CYP19A1: variants seen among roughly 807,000 people sequenced by gnomAD.
CYP19A1 encodes aromatase.
A neutral mutation model predicts 44.4 loss-of-function variants in CYP19A1; 32 were observed. That is an observed-to-expected ratio of 0.72 (90% CI 0.54 to 0.97). CYP19A1 has a LOEUF of 0.97. Among genes scored for constraint, CYP19A1 ranks in the 50% least tolerant of loss-of-function variants. The pLI is 0.00. For missense variants in CYP19A1, 598 were observed against 637.8 expected (o/e 0.94, Z 0.67); for synonymous variants, 212 against 215.6 (o/e 0.98, Z 0.14).
chr15:51,255,563 C>T (rs2034481775), intron 1 of CYP19A1: 1 of 152,202 alleles, frequency 6.6e-6, no homozygotes, highest in African/African-American at 2.4e-5. Flanking sequence ...CTCTTCAGAA[C>T]TGGGATCAGC....
chr15:51,231,836 C>T (rs1367115902), intron 3 of CYP19A1, among the ~76,000 whole-genome samples: 1 of 152,040 alleles, frequency 6.6e-6, no homozygotes, highest in African/African-American at 2.4e-5. Flanking sequence ...GTGGAAGCAA[C>T]TACAAGAGAA....
chr15:51,272,443 A>T (rs1257839074), intron 1 of CYP19A1, among the ~76,000 whole-genome samples: 1 of 152,210 alleles, frequency 6.6e-6, no homozygotes. Flanking sequence ...TTTTATAAAC[A>T]AACACCACTC....
chr15:51,280,850 G>A (rs2035494405), intron 1 of CYP19A1, among the ~76,000 whole-genome samples: 1 of 152,228 alleles, frequency 6.6e-6, no homozygotes, highest in Admixed American at 6.5e-5. Flanking sequence ...CTGGACCACA[G>A]CACTCTCACA....
intron 1 of CYP19A1, among the ~76,000 whole-genome samples, chr15:51,260,320 A>G (rs1165878712): frequency 1.3e-5 from 2 of 152,258 alleles, no homozygotes; most frequent in Admixed American, 1.3e-4. Context: ...AAAGCATTAA[A>G]TATAAGAAAG....
intron 1 of CYP19A1, among the ~76,000 whole-genome samples, chr15:51,263,725 C>G (rs375710267): frequency 6.6e-6 from 1 of 152,140 alleles, no homozygotes; most frequent in African/African-American, 2.4e-5. Flanking sequence ...TCCAATGGAC[C>G]CATCCAATCC....
At chr15:51,264,507 ACG>A (rs2140941242) in intron 1 of CYP19A1, among the ~76,000 whole-genome samples, 1 of 97,444 alleles carries the variant, frequency 1.0e-5, no homozygotes, top group Non-Finnish European at 2.0e-5. Context: ...AAGAGTAACG[ACG>A]GTCAAGGGAC....
chr15:51,299,539 C>A (rs1282435502), intron 1 of CYP19A1, among the ~76,000 whole-genome samples: 1 of 152,118 alleles, frequency 6.6e-6, no homozygotes, highest in Non-Finnish European at 1.5e-5. Flanking sequence ...GCCATGTGAT[C>A]AGGGCTGCTT....
chr15:51,283,290 C>T (rs2035590099), intron 1 of CYP19A1, among the ~76,000 whole-genome samples: 1 of 152,220 alleles, frequency 6.6e-6, no homozygotes, highest in African/African-American at 2.4e-5. Flanking sequence ...CACCTCTTCT[C>T]TCTCCCATTA....
At chr15:51,314,845 T>C (rs1477749699) in intron 1 of CYP19A1, among the ~76,000 whole-genome samples, 1 of 152,226 alleles carries the variant, frequency 6.6e-6, no homozygotes, top group African/African-American at 2.4e-5. Context: ...TCTTCATAAG[T>C]GTTGGTTTCC....
At chr15:51,314,591 A>G (rs997590579) in intron 1 of CYP19A1, among the ~76,000 whole-genome samples, 10 of 152,202 alleles carry the variant, frequency 6.6e-5, no homozygotes, top group African/African-American at 2.4e-4. Flanking sequence ...ATCATGCTAA[A>G]CAAATCACAC....
intron 1 of CYP19A1, among the ~76,000 whole-genome samples, chr15:51,286,566 C>T (rs1036636302): frequency 1.3e-5 from 2 of 152,300 alleles, no homozygotes; most frequent in Non-Finnish European, 2.9e-5. Flanking sequence ...GACTACCAAG[C>T]ATGTCCAAAG....
intron 1 of CYP19A1, among the ~76,000 whole-genome samples, chr15:51,314,825 T>C (rs2036391862): frequency 6.6e-6 from 1 of 152,238 alleles, no homozygotes; most frequent in Non-Finnish European, 1.5e-5. Context: ...TGTCAGCCTC[T>C]GTCTTTGTTT....
Position 51,242,890 on chromosome 15 carries a change from G to A in CYP19A1, c.23C>T (p.Pro8Leu), listed in dbSNP as rs144803182. ...GATGCTGGTGATGTTATAATGTATCGGGTTCAGCATTTCCAAAACCATCTT... is the reference window on the plus strand; with the variant it reads ...GATGCTGGTGATGTTATAATGTATCAGGTTCAGCATTTCCAAAACCATCTT... Reference protein sequence around the residue: MVLEMLNPIHYNITSIVP... With the variant: MVLEMLNLIHYNITSIVP... The change falls in exon 2 of 10, where the codon CCG (proline) becomes CTG (leucine). Residue 8 changes from proline (P) to leucine (L), a missense_variant. Coordinates refer to ENST00000396402, the MANE Select transcript of CYP19A1 (RefSeq NM_000103.4). The A allele has an allele frequency of 1.2e-5, 20 of 1,610,586 alleles. No homozygotes were observed. Among genetic ancestry groups the A allele is most frequent in the African/African-American group, 2.7e-5 (2 of 74,828 alleles).
At chr15:51,327,198 T>C (rs1359335176) in intron 1 of CYP19A1, among the ~76,000 whole-genome samples, 2 of 152,254 alleles carry the variant, frequency 1.3e-5, no homozygotes, top group African/African-American at 2.4e-5. Context: ...GGGTGATCCA[T>C]GGTGCCATAT....
At chr15:51,279,567 G>GA (rs2035443087) in intron 1 of CYP19A1, among the ~76,000 whole-genome samples, 1 of 152,132 alleles carries the variant, frequency 6.6e-6, no homozygotes, top group South Asian at 2.1e-4. Flanking sequence ...TCAGCAAGAG[G>GA]AAAAAAACAC....
At chr15:51,324,575 T>A (rs1028298892) in intron 1 of CYP19A1, among the ~76,000 whole-genome samples, 1 of 152,216 alleles carries the variant, frequency 6.6e-6, no homozygotes, top group African/African-American at 2.4e-5. Flanking sequence ...TGGTTGAGAA[T>A]GAAATGGCAA....
chr15:51,257,713 C>G (rs780167513), intron 1 of CYP19A1, among the ~76,000 whole-genome samples: 2 of 152,186 alleles, frequency 1.3e-5, no homozygotes, highest in Non-Finnish European at 1.5e-5. Context: ...AATGTTATTT[C>G]AAAGTGCTGA....
chr15:51,301,566 C>G (rs866140463), intron 1 of CYP19A1, among the ~76,000 whole-genome samples: 1 of 152,202 alleles, frequency 6.6e-6, no homozygotes, highest in African/African-American at 2.4e-5. Flanking sequence ...TTTGGGCTGA[C>G]CCCCCGCGTG....
chr15:51,336,872 G>A (rs1260423158), intron 1 of CYP19A1, among the ~76,000 whole-genome samples: 1 of 150,978 alleles, frequency 6.6e-6, no homozygotes, highest in African/African-American at 2.4e-5. Flanking sequence ...ATTATATCCT[G>A]AGCCTCCTGT....
Sources: allele counts gnomAD v4.1 joint callset (sites outside exome capture counted in the v4.1 genomes callset), GRCh38; gene constraint gnomAD v4.1.1; transcripts MANE v1.5; gene names NCBI Gene and HGNC (gene_info 2026-07-23, HGNC 2026-07-21).